SNRK: variants seen among roughly 807,000 people sequenced by gnomAD.
SNRK encodes SNF related kinase.
Under a neutral mutation model 48.2 loss-of-function variants are expected in SNRK, and 3 were observed. The ratio of observed to expected loss-of-function variants is 0.06; its 90% CI spans 0.03 to 0.16. The LOEUF is 0.16. Among genes scored for constraint, SNRK ranks in the 10% least tolerant of loss-of-function variants. The pLI is 1.00. For synonymous variants in SNRK, 376 were observed against 366.1 expected, an observed-to-expected ratio of 1.03 and a Z score of -0.31; for missense variants, 627 against 976.0, an observed-to-expected ratio of 0.64 and a Z score of 4.76.
chr3:43,343,517 G>A (rs532813311), intron 6 of SNRK, 39 bp downstream of exon 6: 57 of 1,576,146 alleles, frequency 3.6e-5, no homozygotes, highest in South Asian at 2.4e-4. Flanking sequence ...TAAGTTTAAC[G>A]TTTTGAAATA....
intron 3 of SNRK, among the ~76,000 whole-genome samples, chr3:43,329,589 C>G (rs981838290): frequency 6.6e-6 from 1 of 152,214 alleles, no homozygotes; most frequent in Non-Finnish European, 1.5e-5. Context: ...TGTCATTTAG[C>G]TTAGCCAACT....
intron 3 of SNRK, chr3:43,315,336 T>G (rs565661408): frequency 7.1e-4 from 108 of 152,322 alleles, no homozygotes; most frequent in Admixed American, 5.4e-3. Context: ...ATTAATGTAT[T>G]TATTTTTACA....
At chr3:43,316,020 CTG>C (rs4016132) in intron 3 of SNRK, among the ~76,000 whole-genome samples, 2,950 of 152,230 alleles carry the variant, frequency 0.019, 197 homozygotes, top group Admixed American at 0.13. Flanking sequence ...CATAAACCCT[CTG>C]TAAATAAAAA....
At chr3:43,313,113 C>T (rs1441006490) in intron 3 of SNRK, among the ~76,000 whole-genome samples, 1 of 152,072 alleles carries the variant, frequency 6.6e-6, no homozygotes, top group Non-Finnish European at 1.5e-5. Context: ...AAAAGAATAA[C>T]GAGAGAAATC....
At chr3:43,336,088 TTA>T (rs1195823923) in intron 4 of SNRK, among the ~76,000 whole-genome samples, 2 of 151,932 alleles carry the variant, frequency 1.3e-5, no homozygotes, top group Non-Finnish European at 2.9e-5. Flanking sequence ...TGCCATCTTT[TTA>T]TATGTTTTAT....
At chr3:43,328,090 AT>A (rs1406604976) in intron 3 of SNRK, among the ~76,000 whole-genome samples, 1 of 151,938 alleles carries the variant, frequency 6.6e-6, no homozygotes. Flanking sequence ...ATGATATTTG[AT>A]TCAGATGGTT....
intron 3 of SNRK, among the ~76,000 whole-genome samples, chr3:43,321,697 A>G (rs1435117739): frequency 1.3e-5 from 2 of 152,224 alleles, no homozygotes; most frequent in East Asian, 3.8e-4. Flanking sequence ...TCAAAAACTT[A>G]AAAAACACGG....
chr3:43,303,873 A>T lies in SNRK; in HGVS notation c.589+81A>T. 9.7e-7 allele frequency: 1 copy of T among 1,033,114 alleles called. No individual in the cohort carries two copies. Among genetic ancestry groups the T allele is most frequent in the Non-Finnish European group, 1.4e-6 (1 of 700,376 alleles). The allele number at this position is 1,033,114 out of a possible 1,614,324, so 64.0% of individuals were successfully genotyped here. ...CAGATCGGTTGTTTATCTAAAAATG[A>T]TTTCTAGAGAATTTCTGTTAAATTG... is the stretch of plus-strand genomic sequence containing the variant. On this transcript the variant is annotated intron_variant, in intron 3 of 6. Coordinates refer to ENST00000296088, the MANE Select transcript of SNRK (RefSeq NM_017719.5). This position sits in a 1 kb window ranked among gnomAD's most constrained non-coding sequence, Gnocchi z 6.2.
chr3:43,318,541 TTTTC>T (rs1005405925), intron 3 of SNRK, among the ~76,000 whole-genome samples: 7 of 57,380 alleles, frequency 1.2e-4, no homozygotes, highest in African/African-American at 2.2e-4. Context: ...AAATATTAAA[TTTTC>T]TTTTTTTTTT....
intron 6 of SNRK, among the ~76,000 whole-genome samples, chr3:43,343,989 T>G (rs2091256441): frequency 6.6e-6 from 1 of 152,134 alleles, no homozygotes; most frequent in Non-Finnish European, 1.5e-5. Context: ...GGGAGGTTGC[T>G]TAACCTCTCT....
intron 3 of SNRK, among the ~76,000 whole-genome samples, chr3:43,312,457 T>C (rs1034869216): frequency 6.6e-6 from 1 of 152,150 alleles, no homozygotes; most frequent in African/African-American, 2.4e-5. Flanking sequence ...ACTCTTTGCC[T>C]GCTCTAAGTA....
chr3:43,324,890 C>G (rs1473583534), intron 3 of SNRK, among the ~76,000 whole-genome samples: 6 of 152,192 alleles, frequency 3.9e-5, no homozygotes, highest in Non-Finnish European at 7.3e-5. Flanking sequence ...TTTCTCTTTA[C>G]TCTCAAATGA....
At chr3:43,325,473 T>A (rs190873093) in intron 3 of SNRK, among the ~76,000 whole-genome samples, 1 of 152,222 alleles carries the variant, frequency 6.6e-6, no homozygotes, top group East Asian at 1.9e-4. Flanking sequence ...CCCAAAAGAC[T>A]GTGTTTTTAA....
chr3:43,325,168 TG>T (rs2091086066), intron 3 of SNRK, among the ~76,000 whole-genome samples: 1 of 152,206 alleles, frequency 6.6e-6, no homozygotes, highest in African/African-American at 2.4e-5. Flanking sequence ...TTTTTGGTTT[TG>T]TTTTTTTTGT....
At chr3:43,297,946 A>G (rs1463111288) in intron 1 of SNRK, among the ~76,000 whole-genome samples, 1 of 152,110 alleles carries the variant, frequency 6.6e-6, no homozygotes, top group East Asian at 1.9e-4. Context: ...CAAAAGAGAG[A>G]TAATAGTTTG....
Position 43,348,455 on chromosome 3 carries a change from G to A in SNRK, c.2196G>A (p.Gln732=). 6.2e-7 allele frequency: 1 copy of A among 1,611,044 alleles called. No homozygotes were observed. Among genetic ancestry groups the A allele is most frequent in the Admixed American group, 1.7e-5 (1 of 59,428 alleles). The change falls in exon 7 of 7, where the codon CAG becomes CAA. Residue 732 remains glutamine, a synonymous_variant. Coordinates refer to ENST00000296088, the MANE Select transcript of SNRK (RefSeq NM_017719.5). ...AGAACCTGAAAAATAACGTGCTGCA[G>A]CTACCTCTGTGCGAAAAGACCATCT... is the stretch of plus-strand genomic sequence containing the variant. ...KSKNLKNNVL[Q]LPLCEKTISV...
chr3:43,338,680 T>A (rs983243156), intron 4 of SNRK, among the ~76,000 whole-genome samples: 7 of 152,256 alleles, frequency 4.6e-5, no homozygotes, highest in Non-Finnish European at 8.8e-5. Flanking sequence ...TTGTATTTCC[T>A]AACGCAGTCT....
intron 3 of SNRK, among the ~76,000 whole-genome samples, chr3:43,329,415 G>A (rs1477519732): frequency 2.0e-5 from 3 of 151,890 alleles, no homozygotes; most frequent in Non-Finnish European, 1.5e-5. Flanking sequence ...TCCAGCCTGG[G>A]TGACAGAGCG....
chr3:43,340,231 C>T (rs2091224917), intron 4 of SNRK, 56 bp from the exon 5 acceptor site: 2 of 1,328,674 alleles, frequency 1.5e-6, no homozygotes, highest in Non-Finnish European at 2.2e-6. Flanking sequence ...AATGATCCAT[C>T]ATTACTGATC....
Sources: gnomAD v4.1 joint callset for allele counts (sites outside exome capture counted in the v4.1 genomes callset) on GRCh38, gnomAD v4.1.1 for gene constraint, Gnocchi (gnomAD v3.1) non-coding constraint, MANE v1.5 for transcripts, NCBI Gene and HGNC (gene_info 2026-07-23, HGNC 2026-07-21) for gene names.